Variants in TBC1D5 observed in about 807,000 individuals in gnomAD.
The protein encoded by TBC1D5 is TBC1 domain family, member 5.
TBC1D5 carries 75 observed loss-of-function variants against 100.3 expected under a neutral mutation model. The observed-to-expected ratio is 0.75, with a 90% CI of 0.62 to 0.91. The LOEUF is 0.91. Ranked by LOEUF, TBC1D5 falls within the 40% of genes least tolerant of loss-of-function variation. The pLI is 0.00. For missense variants in TBC1D5, 910 were observed against 942.4 expected (o/e 0.97, Z 0.45); for synonymous variants, 323 against 325.6 (o/e 0.99, Z 0.09).
intron 2 of TBC1D5, chr3:17,575,101 G>C (rs1336309906): frequency 2.6e-5 from 4 of 152,142 alleles, no homozygotes; most frequent in African/African-American, 7.2e-5. Context: ...AAGGCAGGAG[G>C]ACTGCTTGAG....
At chr3:17,436,417 TA>T (rs1319046704) in intron 3 of TBC1D5, among the ~76,000 whole-genome samples, 1 of 152,088 alleles carries the variant, frequency 6.6e-6, no homozygotes, top group African/African-American at 2.4e-5. Flanking sequence ...GGTATAAAAG[TA>T]AAAGGCTACT....
intron 15 of TBC1D5, among the ~76,000 whole-genome samples, chr3:17,269,051 C>A (rs1007796695): frequency 3.9e-5 from 6 of 152,140 alleles, no homozygotes; most frequent in African/African-American, 1.4e-4. Flanking sequence ...CAGGATTTAA[C>A]CCCTCTGATA....
chr3:17,439,066 G>C (rs983414421), intron 3 of TBC1D5, among the ~76,000 whole-genome samples: 2 of 151,970 alleles, frequency 1.3e-5, no homozygotes, highest in Non-Finnish European at 2.9e-5. Flanking sequence ...TTTCTTCAGT[G>C]CAATAAAAAG....
At chr3:17,295,455 G>A (rs1338277284) in intron 14 of TBC1D5, among the ~76,000 whole-genome samples, 3 of 152,228 alleles carry the variant, frequency 2.0e-5, no homozygotes, top group Admixed American at 6.5e-5. Flanking sequence ...TGACTTCTCT[G>A]TCTGAACCTT....
intron 1 of TBC1D5, among the ~76,000 whole-genome samples, chr3:17,735,989 T>C (rs945336865): frequency 6.6e-6 from 1 of 152,192 alleles, no homozygotes; most frequent in East Asian, 1.9e-4. Context: ...ATCCCAATCA[T>C]TGTCCCTCCC....
chr3:17,325,909 G>A (rs1017935865), intron 13 of TBC1D5, among the ~76,000 whole-genome samples: 5 of 152,034 alleles, frequency 3.3e-5, no homozygotes, highest in African/African-American at 9.7e-5. Context: ...AAAATTAAGT[G>A]ACAAAACCTT....
intron 8 of TBC1D5, among the ~76,000 whole-genome samples, chr3:17,388,606 T>C (rs1279919695): frequency 6.7e-6 from 1 of 149,440 alleles, no homozygotes; most frequent in Non-Finnish European, 1.5e-5. Flanking sequence ...CCCAGCACTT[T>C]GAAAGGTCAA....
intron 1 of TBC1D5, among the ~76,000 whole-genome samples, chr3:17,719,089 T>C (rs983740542): frequency 6.6e-6 from 1 of 152,196 alleles, no homozygotes; most frequent in Non-Finnish European, 1.5e-5. Flanking sequence ...AAAGTTTTCA[T>C]TGATCCTCTC....
chr3:17,168,970 G>A (rs554078434), intron 19 of TBC1D5, among the ~76,000 whole-genome samples: 2 of 152,284 alleles, frequency 1.3e-5, no homozygotes, highest in Non-Finnish European at 2.9e-5. Flanking sequence ...CCAGTGCGCT[G>A]TGCCCTTGGC....
rs199626479 is a variant in TBC1D5, at chr3:17,402,541, GA to G, written c.509+639del. ...TCCCCATTTAACACAAGAGGAAACT[GA>G]GAGGGAAAGATGTTGAAGTAATTTT... On this transcript the variant is annotated intron_variant, in intron 8 of 21. Transcript: ENST00000253692. Among the ~76,000 whole-genome samples the G allele has an allele frequency of 6.6e-3, 1,010 of 152,244 alleles. 11 individuals are homozygous for G. The highest frequency in any genetic ancestry group is 0.023 in the African/African-American group (975 of 41,550).
At chr3:17,443,154 A>C (rs1427972732) in intron 3 of TBC1D5, among the ~76,000 whole-genome samples, 1 of 152,244 alleles carries the variant, frequency 6.6e-6, no homozygotes. Flanking sequence ...ATTAGAATCA[A>C]CAAAGACTTA....
At chr3:17,621,637 C>T (rs373951440) in intron 2 of TBC1D5, among the ~76,000 whole-genome samples, 1 of 152,152 alleles carries the variant, frequency 6.6e-6, no homozygotes, top group African/African-American at 2.4e-5. Flanking sequence ...TCTGTTTCCC[C>T]TAACCAGAGA....
At chr3:17,306,241 AGTTT>A (rs2083390259) in intron 14 of TBC1D5, among the ~76,000 whole-genome samples, 1 of 152,250 alleles carries the variant, frequency 6.6e-6, no homozygotes, top group Middle Eastern at 3.4e-3. Context: ...CCTCTCCTTA[AGTTT>A]CCACACTACC....
intron 1 of TBC1D5, among the ~76,000 whole-genome samples, chr3:17,697,629 T>A (rs950767758): frequency 5.3e-5 from 8 of 152,110 alleles, no homozygotes; most frequent in Non-Finnish European, 1.2e-4. Context: ...TGGAAGAACA[T>A]CCCACGCTCA....
intron 8 of TBC1D5, among the ~76,000 whole-genome samples, chr3:17,392,786 C>G (rs1488906167): frequency 6.6e-6 from 1 of 152,080 alleles, no homozygotes; most frequent in East Asian, 1.9e-4. Context: ...TGGGTTGGTT[C>G]CAAGTCTTTG....
At chr3:17,737,148 C>G (rs576798718) in intron 1 of TBC1D5, among the ~76,000 whole-genome samples, 5 of 152,182 alleles carry the variant, frequency 3.3e-5, no homozygotes, top group African/African-American at 1.2e-4. Context: ...CTTATTCCAA[C>G]TCCATCAGGT....
chr3:17,435,840 T>G (rs767109980), intron 3 of TBC1D5, among the ~76,000 whole-genome samples: 1 of 152,218 alleles, frequency 6.6e-6, no homozygotes, highest in Non-Finnish European at 1.5e-5. Flanking sequence ...AGGCCGTGTG[T>G]GTGCCTAGAG....
intron 2 of TBC1D5, among the ~76,000 whole-genome samples, chr3:17,592,225 T>C (rs1444110672): frequency 1.3e-5 from 2 of 152,260 alleles, no homozygotes; most frequent in Non-Finnish European, 2.9e-5. Context: ...CATAATCTTA[T>C]TCGGAGAGAT....
intron 13 of TBC1D5, among the ~76,000 whole-genome samples, chr3:17,367,108 T>C (rs117107708): frequency 0.016 from 2,500 of 152,304 alleles, 52 homozygotes; most frequent in South Asian, 0.047. Context: ...TCTATTGATA[T>C]CAAAGTATAA....
Sources: gnomAD v4.1 joint callset for allele counts (sites outside exome capture counted in the v4.1 genomes callset) on GRCh38, gnomAD v4.1.1 for gene constraint, MANE v1.5 for transcripts, NCBI Gene and HGNC (gene_info 2026-07-23, HGNC 2026-07-21) for gene names.